PCDHA9: variants seen among roughly 807,000 people sequenced by gnomAD.
The protein encoded by PCDHA9 is protocadherin alpha 9.
A neutral mutation model predicts 62.0 loss-of-function variants in PCDHA9; 62 were observed. That is an observed-to-expected ratio of 1.00 (90% CI 0.81 to 1.23). The LOEUF (loss-of-function observed/expected upper bound fraction) is 1.23, where lower values mean the gene tolerates loss of function less well. PCDHA9 is among the 50% of genes most tolerant of loss of function. The probability of loss-of-function intolerance (pLI) is 0.00; values close to 1 mark genes in which losing one functional copy is unlikely to be tolerated. For synonymous variants in PCDHA9, 557 were observed against 567.6 expected (o/e 0.98, Z 0.27); for missense variants, 1,205 against 1,249.8 (o/e 0.96, Z 0.54).
rs745800805 is a variant in PCDHA9, at chr5:140,935,890, T to C, written c.2395-43059T>C. 2.5e-4 allele frequency among the ~76,000 whole-genome samples: 34 copies of C among 135,750 alleles called. 1 individual carries two copies. Among genetic ancestry groups the C allele is most frequent in the Non-Finnish European group, 4.4e-4 (27 of 61,954 alleles). 89.1% of individuals were successfully genotyped at this position (135,750 alleles called of 152,430 possible). A position where few individuals can be genotyped will look rare whatever the true frequency, so the allele number is the denominator to read the frequency against. On this transcript the variant is annotated intron_variant, in intron 1 of 3. Coordinates refer to ENST00000532602, the MANE Select transcript of PCDHA9 (RefSeq NM_031857.2). ...ATTAATGAGCTCCAATTTATCAATA[T>C]TATCTTTTTTTTTTTTTTTTGAGAC...
chr5:140,857,463 A>G (rs782545869), intron 1 of PCDHA9: 3 of 1,598,592 alleles, frequency 1.9e-6, no homozygotes, highest in Non-Finnish European at 2.6e-6. Context: ...CCAGGCTGCC[A>G]CATCTTCACG....
intron 1 of PCDHA9, chr5:140,969,336 GA>G: frequency 2.5e-6 from 4 of 1,613,996 alleles, no homozygotes; most frequent in Non-Finnish European, 3.4e-6. Context: ...AATGAGGTGA[GA>G]CAGTGGTCAG....
intron 1 of PCDHA9, chr5:140,863,226 C>CCGA: frequency 1.7e-6 from 2 of 1,160,306 alleles, no homozygotes; most frequent in Non-Finnish European, 2.5e-6. Context: ...CGAGGAAGGT[C>CCGA]CCATCGCGGG....
chr5:140,853,035 T>C (rs1292351508), intron 1 of PCDHA9: 9 of 256,094 alleles, frequency 3.5e-5, no homozygotes, highest in South Asian at 1.5e-4. Context: ...CCTGCCACCA[T>C]GCCCGCCTAA....
chr5:140,904,589 G>A (rs1562945664), intron 1 of PCDHA9, among the ~76,000 whole-genome samples: 1 of 151,976 alleles, frequency 6.6e-6, no homozygotes, highest in Non-Finnish European at 1.5e-5. Flanking sequence ...CCAGTAGTGG[G>A]ACTGCTGGAT....
At chr5:140,883,130 G>C in intron 1 of PCDHA9, 1 of 1,614,062 alleles carries the variant, frequency 6.2e-7, no homozygotes, top group Non-Finnish European at 8.5e-7. Flanking sequence ...TGTATGGCCT[G>C]CAGTGGTATA....
chr5:141,007,311 G>T (rs1268953957), intron 3 of PCDHA9, among the ~76,000 whole-genome samples: 1 of 151,596 alleles, frequency 6.6e-6, no homozygotes, highest in Non-Finnish European at 1.5e-5. Context: ...AGCATTTTGG[G>T]AGGCTAAAGT....
chr5:140,951,662 G>A (rs1246504133), intron 1 of PCDHA9, among the ~76,000 whole-genome samples: 1 of 152,150 alleles, frequency 6.6e-6, no homozygotes, highest in African/African-American at 2.4e-5. Context: ...ACCAGGGCCT[G>A]CCTACAAAAT....
chr5:140,954,895 A>G (rs782412576), intron 1 of PCDHA9, among the ~76,000 whole-genome samples: 66 of 152,096 alleles, frequency 4.3e-4, no homozygotes, highest in African/African-American at 1.4e-3. Context: ...TAGGGTTTTT[A>G]TAGTTTCATA....
intron 1 of PCDHA9, chr5:140,858,052 T>C (rs1281058907): frequency 2.5e-6 from 4 of 1,597,036 alleles, no homozygotes; most frequent in African/African-American, 1.3e-5. Flanking sequence ...TTGTGTCGCT[T>C]GTGGAGGGCA....
intron 1 of PCDHA9, among the ~76,000 whole-genome samples, chr5:140,904,268 A>G (rs989389819): frequency 1.3e-5 from 2 of 152,004 alleles, no homozygotes; most frequent in African/African-American, 4.8e-5. Context: ...CCACTTATGA[A>G]TGAGAACATG....
At chr5:140,877,498 C>G in intron 1 of PCDHA9, 1 of 1,613,844 alleles carries the variant, frequency 6.2e-7, no homozygotes, top group Non-Finnish European at 8.5e-7. Context: ...CGGCCAGGCC[C>G]CAAAGACGTC....
intron 1 of PCDHA9, among the ~76,000 whole-genome samples, chr5:140,880,863 T>C (rs1312869588): frequency 6.6e-6 from 1 of 152,170 alleles, no homozygotes; most frequent in Non-Finnish European, 1.5e-5. Flanking sequence ...TCTAATTATG[T>C]GAAGAGGTAA....
chr5:140,927,484 A>G (rs1554204601), intron 1 of PCDHA9: 2 of 1,613,906 alleles, frequency 1.2e-6, no homozygotes, highest in East Asian at 2.2e-5. Flanking sequence ...ACAGCGCGCC[A>G]CCCACCTGCT....
intron 1 of PCDHA9, chr5:140,883,283 G>A (rs782514861): frequency 1.2e-6 from 2 of 1,614,034 alleles, no homozygotes; most frequent in Admixed American, 3.3e-5. Context: ...CCTTTTGGTG[G>A]AAGTACTAGA....
chr5:140,857,702 G>T (rs2044803207), intron 1 of PCDHA9: 1 of 1,597,298 alleles, frequency 6.3e-7, no homozygotes, highest in African/African-American at 1.3e-5. Flanking sequence ...GACGCTGCAG[G>T]TGTTCGTGCT....
chr5:140,883,881 G>A (rs782379771), intron 1 of PCDHA9: 13 of 1,613,320 alleles, frequency 8.1e-6, no homozygotes, highest in Non-Finnish European at 1.1e-5. Flanking sequence ...GTGAGCGCGC[G>A]CGACTCTGGC....
At chr5:140,993,521 G>A (rs1554253818) in intron 3 of PCDHA9, among the ~76,000 whole-genome samples, 1 of 151,130 alleles carries the variant, frequency 6.6e-6, no homozygotes, top group African/African-American at 2.4e-5. Context: ...GGGAGAGAGA[G>A]ACAGAGAGAG....
At chr5:140,956,212 C>A (rs246014) in intron 1 of PCDHA9, among the ~76,000 whole-genome samples, 85,603 of 151,956 alleles carry the variant, frequency 0.56, 24,735 homozygotes, top group African/African-American at 0.69. Context: ...AAGAGGGCAT[C>A]CTTGTCTTGT....
Sources: gnomAD v4.1 joint callset for allele counts (sites outside exome capture counted in the v4.1 genomes callset) on GRCh38, gnomAD v4.1.1 for gene constraint, MANE v1.5 for transcripts, NCBI Gene and HGNC (gene_info 2026-07-23, HGNC 2026-07-21) for gene names.